Variants in SLC25A26 observed in about 807,000 individuals in gnomAD.
The protein encoded by SLC25A26 is solute carrier family 25 member 26, also known as mitochondrial S-adenosylmethionine carrier protein.
A neutral mutation model predicts 37.8 loss-of-function variants in SLC25A26; 36 were observed. The ratio of observed to expected loss-of-function variants is 0.95; its 90% CI spans 0.73 to 1.26. The LOEUF (loss-of-function observed/expected upper bound fraction) is 1.26. Among genes scored for constraint, SLC25A26 ranks in the 50% most tolerant of loss-of-function variants. The pLI is 0.00. For synonymous variants in SLC25A26, 129 were observed against 122.5 expected, an observed-to-expected ratio of 1.05 and a Z score of -0.35; for missense variants, 390 against 331.1, an observed-to-expected ratio of 1.18 and a Z score of -1.38.
intron 5 of SLC25A26, among the ~76,000 whole-genome samples, chr3:66,324,531 CAT>C (rs889649966): frequency 2.6e-5 from 4 of 152,110 alleles, no homozygotes; most frequent in African/African-American, 9.7e-5. Flanking sequence ...AATTTCTAAT[CAT>C]GTGGCTAATT....
At position 66,175,830 on chromosome 3, in the gene SLC25A26, G is replaced by A. The variant is rs144775674; in HGVS notation, c.-354+41846G>A. On this transcript the variant is annotated intron_variant, in intron 1 of 10. Transcript: ENST00000676754. ...GCATGAGGCCCACACACATTAGGGCGGACTATCTGTTTCACTCAGTGCACT... is the reference window on the plus strand; with the variant it reads ...GCATGAGGCCCACACACATTAGGGCAGACTATCTGTTTCACTCAGTGCACT... Among the ~76,000 whole-genome samples the A allele has an allele frequency of 1.3e-3, 198 of 152,230 alleles. 2 individuals are homozygous for A. Among genetic ancestry groups the A allele is most frequent in the African/African-American group, 4.7e-3 (195 of 41,544 alleles).
chr3:66,245,957 A>C (rs1441597811), intron 3 of SLC25A26, among the ~76,000 whole-genome samples: 1 of 152,176 alleles, frequency 6.6e-6, no homozygotes, highest in Non-Finnish European at 1.5e-5. Flanking sequence ...CATTGCAGTC[A>C]CAATCCCCAT....
At chr3:66,218,563 TCC>T, upstream of SLC25A26, among the ~76,000 whole-genome samples, 1 of 152,188 alleles carries the variant, frequency 6.6e-6, no homozygotes, top group Non-Finnish European at 1.5e-5. Flanking sequence ...ATCCTCATCT[TCC>T]GGTATTTAGG....
chr3:66,249,838 A>G (rs2073009768), intron 3 of SLC25A26, among the ~76,000 whole-genome samples: 1 of 152,238 alleles, frequency 6.6e-6, no homozygotes. Context: ...ATGAAGGTTC[A>G]TCAATAGTGT....
intron 1 of SLC25A26, among the ~76,000 whole-genome samples, chr3:66,235,406 T>A (rs1308588737): frequency 6.6e-6 from 1 of 152,208 alleles, no homozygotes; most frequent in Non-Finnish European, 1.5e-5. Flanking sequence ...ACATGGTATC[T>A]CTTGGGAGAT....
intron 5 of SLC25A26, among the ~76,000 whole-genome samples, chr3:66,298,051 C>A (rs782748): frequency 0.52 from 79,429 of 151,984 alleles, 21,254 homozygotes; most frequent in East Asian, 0.76. Context: ...TCCCTAGGAA[C>A]TTGCTAGAAA....
intron 9 of SLC25A26, chr3:66,371,159 G>T: frequency 1.4e-6 from 2 of 1,437,122 alleles, no homozygotes; most frequent in Middle Eastern, 3.6e-4. Flanking sequence ...CCGCCTGAAT[G>T]TTGAGATCTT....
At chr3:66,345,971 T>C (rs961055976) in intron 5 of SLC25A26, among the ~76,000 whole-genome samples, 1 of 152,160 alleles carries the variant, frequency 6.6e-6, no homozygotes. Context: ...GTCAGGTGGA[T>C]TGCTTGAGCC....
chr3:66,237,690 A>G (rs1431185219), intron 2 of SLC25A26, among the ~76,000 whole-genome samples: 3 of 152,314 alleles, frequency 2.0e-5, no homozygotes, highest in Middle Eastern at 6.8e-3. Flanking sequence ...CTGTTTGCAG[A>G]TACTTATTTT....
Position 66,181,711 on chromosome 3 carries a change from A to G in SLC25A26, c.-353-39031A>G, listed in dbSNP as rs189130239. Among the ~76,000 whole-genome samples the G allele has an allele frequency of 1.8e-3, 268 of 151,138 alleles. 1 individual carries two copies. Among genetic ancestry groups the G allele is most frequent in the African/African-American group, 6.2e-3 (256 of 41,034 alleles). On this transcript the variant is annotated intron_variant, in intron 1 of 10. Coordinates refer to the SLC25A26 transcript ENST00000676754. ...TTCAAATCCAGATCCCCTGACTCCAACTTCAGTGCTTTCCTCACTAAATTT... is the reference window on the plus strand; with the variant it reads ...TTCAAATCCAGATCCCCTGACTCCAGCTTCAGTGCTTTCCTCACTAAATTT...
intron 1 of SLC25A26, among the ~76,000 whole-genome samples, chr3:66,150,544 T>TATAA (rs1491507981): frequency 2.7e-5 from 3 of 111,188 alleles, no homozygotes; most frequent in Non-Finnish European, 5.5e-5. Flanking sequence ...TATATATATA[T>TATAA]AAAATATATA....
chr3:66,307,784 A>G (rs530609431), intron 5 of SLC25A26, among the ~76,000 whole-genome samples: 197 of 152,080 alleles, frequency 1.3e-3, no homozygotes, highest in Middle Eastern at 3.2e-3. Context: ...TGTTTTTGTC[A>G]GGTTTGTCAA....
intron 3 of SLC25A26, among the ~76,000 whole-genome samples, chr3:66,246,764 A>G (rs1009693401): frequency 1.3e-5 from 2 of 152,104 alleles, no homozygotes; most frequent in South Asian, 2.1e-4. Context: ...GGCTCTTGGT[A>G]ATTTGCCCAT....
intron 5 of SLC25A26, among the ~76,000 whole-genome samples, chr3:66,320,732 C>G (rs2075672008): frequency 1.3e-5 from 2 of 152,130 alleles, no homozygotes; most frequent in Admixed American, 6.6e-5. Context: ...TGTCTTGTCA[C>G]CACTTGTTAT....
chr3:66,261,883 G>A (rs1161504611), intron 3 of SLC25A26, among the ~76,000 whole-genome samples, 168 bp from the exon 4 acceptor site: 3 of 151,150 alleles, frequency 2.0e-5, no homozygotes, highest in Non-Finnish European at 4.4e-5. Context: ...CAATGTACAT[G>A]CTTTAAGGGT....
At chr3:66,351,568 A>G (rs902271169) in intron 6 of SLC25A26, among the ~76,000 whole-genome samples, 2 of 152,086 alleles carry the variant, frequency 1.3e-5, no homozygotes, top group African/African-American at 4.8e-5. Flanking sequence ...TTATAGCTCC[A>G]TGGCAAGCCC....
chr3:66,376,619 A>G (rs1247009906), intron 9 of SLC25A26, among the ~76,000 whole-genome samples: 2 of 152,252 alleles, frequency 1.3e-5, no homozygotes, highest in African/African-American at 4.8e-5. Context: ...AGACTGTAGT[A>G]GAAACATAAC....
intron 5 of SLC25A26, among the ~76,000 whole-genome samples, chr3:66,303,259 T>C (rs1385710613): frequency 1.3e-5 from 2 of 152,176 alleles, no homozygotes; most frequent in Non-Finnish European, 2.9e-5. Flanking sequence ...AGAGAGGAGA[T>C]ATACTTCTCT....
chr3:66,346,708 CTGTGTGCGTGTG>C (rs928624770), intron 6 of SLC25A26, among the ~76,000 whole-genome samples: 3 of 116,778 alleles, frequency 2.6e-5, no homozygotes, highest in African/African-American at 9.8e-5. Context: ...TTTCATTTTG[CTGTGTGCGTGTG>C]TGTGTGTGTG....
Sources: gnomAD v4.1 joint callset for allele counts (sites outside exome capture counted in the v4.1 genomes callset) on GRCh38, gnomAD v4.1.1 for gene constraint, MANE v1.5 for transcripts, NCBI Gene and HGNC (gene_info 2026-07-23, HGNC 2026-07-21) for gene names.